Variants in HNF4G observed in about 807,000 individuals in gnomAD.
HNF4G encodes hepatocyte nuclear factor 4 gamma, also known as hepatocyte nuclear factor 4-gamma.
HNF4G carries 21 observed loss-of-function variants against 50.9 expected under a neutral mutation model. That is an observed-to-expected ratio of 0.41 (90% CI 0.29 to 0.59). The LOEUF (loss-of-function observed/expected upper bound fraction) is 0.59, where lower values mean the gene tolerates loss of function less well. Among genes scored for constraint, HNF4G ranks in the 20% least tolerant of loss-of-function variants. The probability of loss-of-function intolerance (pLI) is 0.26; values close to 1 mark genes in which losing one functional copy is unlikely to be tolerated. For synonymous variants in HNF4G, 198 were observed against 185.6 expected (o/e 1.07, Z -0.54); for missense variants, 527 against 559.4 (o/e 0.94, Z 0.58).
At chr8:75,500,259 C>T (rs1812893176) in intron 2 of HNF4G, among the ~76,000 whole-genome samples, 1 of 151,938 alleles carries the variant, frequency 6.6e-6, no homozygotes, top group Admixed American at 6.6e-5. Flanking sequence ...GAACAATAAG[C>T]ACATGAAAAA....
chr8:75,442,972 C>A (rs57041685), intron 1 of HNF4G, among the ~76,000 whole-genome samples: 8 of 152,166 alleles, frequency 5.3e-5, no homozygotes, highest in African/African-American at 1.9e-4. Context: ...ATGTTTGCAT[C>A]TCCCCAAAAT....
At chr8:75,452,038 C>G (rs985320053) in intron 1 of HNF4G, among the ~76,000 whole-genome samples, 2 of 152,156 alleles carry the variant, frequency 1.3e-5, no homozygotes, top group Admixed American at 6.5e-5. Flanking sequence ...CTTCACTGAG[C>G]TGCAAGCATG....
chr8:75,490,396 G>C (rs1812597237), intron 2 of HNF4G, among the ~76,000 whole-genome samples: 1 of 151,886 alleles, frequency 6.6e-6, no homozygotes, highest in Non-Finnish European at 1.5e-5. Flanking sequence ...TTGCAAATAT[G>C]ATCTTCCTTG....
chr8:75,408,506 C>T (rs956353863), intron 1 of HNF4G, among the ~76,000 whole-genome samples: 7 of 152,152 alleles, frequency 4.6e-5, no homozygotes, highest in Non-Finnish European at 8.8e-5. Context: ...CTCATGGACA[C>T]ATCTTGGGAG....
chr8:75,428,319 T>G (rs114393681), intron 1 of HNF4G, among the ~76,000 whole-genome samples: 3,970 of 152,232 alleles, frequency 0.026, 127 homozygotes, highest in African/African-American at 0.069. Flanking sequence ...CCTTTTACCC[T>G]CACAAATGCA....
intron 2 of HNF4G, among the ~76,000 whole-genome samples, chr8:75,534,417 A>T (rs1806408090): frequency 6.6e-6 from 1 of 151,748 alleles, no homozygotes; most frequent in African/African-American, 2.4e-5. Flanking sequence ...TATCACCTCT[A>T]AGCTTTTTTT....
At chr8:75,478,699 A>T (rs982625336) in intron 1 of HNF4G, among the ~76,000 whole-genome samples, 1 of 152,132 alleles carries the variant, frequency 6.6e-6, no homozygotes, top group African/African-American at 2.4e-5. Flanking sequence ...AAAGCTGGAG[A>T]TAGCTACGCA....
At chr8:75,474,663 A>C (rs886812710) in intron 1 of HNF4G, among the ~76,000 whole-genome samples, 1 of 151,776 alleles carries the variant, frequency 6.6e-6, no homozygotes, top group Non-Finnish European at 1.5e-5. Flanking sequence ...AATAATAATA[A>C]TTATTATTTT....
intron 2 of HNF4G, among the ~76,000 whole-genome samples, chr8:75,497,489 G>T (rs547334199): frequency 6.6e-6 from 1 of 152,264 alleles, no homozygotes; most frequent in East Asian, 1.9e-4. Context: ...TTCGAGGTCA[G>T]TGTGGCCAAC....
intron 1 of HNF4G, among the ~76,000 whole-genome samples, chr8:75,440,978 C>T (rs1435759239): frequency 6.6e-6 from 1 of 152,062 alleles, no homozygotes. Context: ...CCACCTTAAC[C>T]TGAGTAGCTG....
chr8:75,419,169 G>T (rs139021746), intron 1 of HNF4G, among the ~76,000 whole-genome samples: 1 of 152,182 alleles, frequency 6.6e-6, no homozygotes, highest in African/African-American at 2.4e-5. Context: ...ATGCATGTTT[G>T]TGTCCCTGAG....
At chr8:75,521,475 TTC>T (rs1806040835) in intron 2 of HNF4G, among the ~76,000 whole-genome samples, 1 of 152,216 alleles carries the variant, frequency 6.6e-6, no homozygotes, top group African/African-American at 2.4e-5. Flanking sequence ...GGTGAATGAT[TTC>T]TTTTTCCAAC....
intron 2 of HNF4G, among the ~76,000 whole-genome samples, chr8:75,531,047 G>A (rs1806313817): frequency 6.6e-6 from 1 of 152,024 alleles, no homozygotes; most frequent in Non-Finnish European, 1.5e-5. Flanking sequence ...ATCCGCCTTG[G>A]CCTCCCAAGG....
intron 2 of HNF4G, among the ~76,000 whole-genome samples, chr8:75,493,182 A>C (rs1408203021): frequency 6.6e-6 from 1 of 152,166 alleles, no homozygotes; most frequent in East Asian, 1.9e-4. Context: ...AAATCTCATC[A>C]TTGGAGTGGA....
At position 75,564,934 on chromosome 8, in the gene HNF4G, G is replaced by A. The variant is rs1336676662; in HGVS notation, c.*838G>A. The A allele has an allele frequency of 6.6e-6, 1 of 152,146 alleles. No individual in the cohort carries two copies. Among genetic ancestry groups the A allele is most frequent in the Non-Finnish European group, 1.5e-5 (1 of 68,024 alleles). The allele number at this position is 152,146 out of a possible 1,614,324, so 9.4% of individuals were successfully genotyped here. On this transcript the variant is annotated 3_prime_UTR_variant, in exon 10 of 10. Transcript: ENST00000396423. ...ACGGTAGCCAGGAGAATTATCTATA[G>A]GTGGAAAGTCTGTGTCAGCCAAAGC...
chr8:75,555,293 C>T (rs565357481), intron 5 of HNF4G, among the ~76,000 whole-genome samples: 2 of 152,210 alleles, frequency 1.3e-5, no homozygotes, highest in South Asian at 4.1e-4. Flanking sequence ...GTGTCATTTA[C>T]TAGATGAAGA....
rs182316714 is a variant in HNF4G at position 75,563,840 on chromosome 8, C to T, written c.1247-135C>T. 1,482 of 923,500 alleles carry T rather than the reference C, an allele frequency of 1.6e-3. 2 individuals carry two copies. Among genetic ancestry groups the T allele is most frequent in the Admixed American group, 2.9e-3 (114 of 39,464 alleles). 57.2% of individuals were successfully genotyped at this position (923,500 alleles called of 1,614,324 possible). On this transcript the variant is annotated intron_variant, in intron 9 of 9. Transcript: ENST00000396423. ...CGTCATGGGCCAATAATGCATTCTACAAATCACTATTCTGTGTAGGATATT... is the reference window on the plus strand; with the variant it reads ...CGTCATGGGCCAATAATGCATTCTATAAATCACTATTCTGTGTAGGATATT...
chr8:75,563,795 G>A (rs1304539562), intron 9 of HNF4G, among the ~76,000 whole-genome samples, 180 bp from the exon 10 acceptor site: 1 of 152,108 alleles, frequency 6.6e-6, no homozygotes, highest in South Asian at 2.1e-4. Flanking sequence ...AAAGTAAGGT[G>A]AGAGTACTCT....
At chr8:75,519,139 AG>A (rs972841009) in intron 2 of HNF4G, among the ~76,000 whole-genome samples, 1 of 152,206 alleles carries the variant, frequency 6.6e-6, no homozygotes, top group Non-Finnish European at 1.5e-5. Context: ...TCTCTAGGGC[AG>A]GGGCAAAATG....
Sources: allele counts gnomAD v4.1 joint callset (sites outside exome capture counted in the v4.1 genomes callset), GRCh38; gene constraint gnomAD v4.1.1; transcripts MANE v1.5; gene names NCBI Gene and HGNC (gene_info 2026-07-23, HGNC 2026-07-21).